CCDC192: variants seen among roughly 807,000 people sequenced by gnomAD.
CCDC192 encodes the protein coiled-coil domain containing 192, also known as coiled-coil domain-containing protein 192.
intron 2 of CCDC192, among the ~76,000 whole-genome samples, chr5:127,727,622 G>A (rs889152157): frequency 6.6e-6 from 1 of 152,178 alleles, no homozygotes; most frequent in Non-Finnish European, 1.5e-5. Flanking sequence ...CAAAAAGCCA[G>A]AGTGCCTCTT....
At chr5:127,788,902 T>C (rs1028092183) in intron 3 of CCDC192, among the ~76,000 whole-genome samples, 5 of 152,150 alleles carry the variant, frequency 3.3e-5, no homozygotes, top group African/African-American at 9.7e-5. Context: ...ATAATTAAGG[T>C]CGTGAGGTTG....
chr5:127,753,642 C>T (rs553957294), intron 2 of CCDC192, among the ~76,000 whole-genome samples: 6 of 150,002 alleles, frequency 4.0e-5, no homozygotes, highest in East Asian at 2.0e-4. Context: ...GAGCCAAGAT[C>T]GTGCCCTTGC....
At chr5:127,897,586 A>G (rs897135100) in intron 6 of CCDC192, among the ~76,000 whole-genome samples, 4 of 152,234 alleles carry the variant, frequency 2.6e-5, no homozygotes, top group Non-Finnish European at 4.4e-5. Context: ...ATATTATTCA[A>G]TGGAAAAGAA....
chr5:127,941,116 C>T, intron 6 of CCDC192, 66 bp from the exon 7 acceptor site: 1 of 398,666 alleles, frequency 2.5e-6, no homozygotes, highest in Non-Finnish European at 4.4e-6. Context: ...TTTCATTTTT[C>T]CTTGCTTTGA....
chr5:127,849,687 A>G (rs1750714652), intron 5 of CCDC192, among the ~76,000 whole-genome samples: 1 of 152,256 alleles, frequency 6.6e-6, no homozygotes. Flanking sequence ...TGTAAGGCTC[A>G]TAAAGAGGTG....
intron 6 of CCDC192, among the ~76,000 whole-genome samples, chr5:127,892,488 T>G (rs1391580701): frequency 1.3e-5 from 2 of 152,210 alleles, no homozygotes; most frequent in African/African-American, 4.8e-5. Context: ...GGATTCAAAA[T>G]GCCTTTAAAA....
chr5:127,848,660 A>G (rs1306233159), intron 5 of CCDC192, among the ~76,000 whole-genome samples: 1 of 152,228 alleles, frequency 6.6e-6, no homozygotes, highest in Admixed American at 6.5e-5. Context: ...AAAGGCTAAT[A>G]AGAGTCTCTA....
At chr5:127,882,286 T>C (rs2127145355) in intron 6 of CCDC192, among the ~76,000 whole-genome samples, 1 of 152,290 alleles carries the variant, frequency 6.6e-6, no homozygotes, top group African/African-American at 2.4e-5. Context: ...TATCCTACAT[T>C]CTTGAGAAAG....
At chr5:127,906,977 C>T (rs1185248216) in intron 6 of CCDC192, among the ~76,000 whole-genome samples, 1 of 152,098 alleles carries the variant, frequency 6.6e-6, no homozygotes, top group African/African-American at 2.4e-5. Context: ...TTCAAATTTT[C>T]TCTACATGTT....
intron 3 of CCDC192, chr5:127,786,589 T>G: frequency 1.4e-6 from 1 of 724,108 alleles, no homozygotes; most frequent in South Asian, 1.4e-5. Context: ...ACATATTCCT[T>G]TCGTCCTTTG....
At chr5:127,938,157 G>A (rs531032886) in intron 6 of CCDC192, among the ~76,000 whole-genome samples, 70 of 152,248 alleles carry the variant, frequency 4.6e-4, no homozygotes, top group African/African-American at 1.6e-3. Flanking sequence ...AGTTTAAGGA[G>A]TAGCTTAGGG....
At chr5:127,818,406 A>G (rs1749128724) in intron 5 of CCDC192, among the ~76,000 whole-genome samples, 2 of 152,048 alleles carry the variant, frequency 1.3e-5, no homozygotes, top group Non-Finnish European at 2.9e-5. Flanking sequence ...CCTGGGTTCT[A>G]CTCCTAGACA....
intron 5 of CCDC192, among the ~76,000 whole-genome samples, chr5:127,852,050 T>C (rs576461063): frequency 6.6e-6 from 1 of 152,196 alleles, no homozygotes; most frequent in African/African-American, 2.4e-5. Flanking sequence ...GAACACTAGT[T>C]TTATGGTCCC....
At chr5:127,848,882 A>T (rs576458556) in intron 5 of CCDC192, among the ~76,000 whole-genome samples, 124 of 152,332 alleles carry the variant, frequency 8.1e-4, no homozygotes, top group African/African-American at 2.9e-3. Flanking sequence ...ACTATATAAA[A>T]GGAGCAGTTT....
intron 6 of CCDC192, among the ~76,000 whole-genome samples, chr5:127,879,241 A>C (rs2127140962): frequency 6.6e-6 from 1 of 151,772 alleles, no homozygotes; most frequent in African/African-American, 2.4e-5. Flanking sequence ...AAACAGAGAT[A>C]TAGATCAATG....
intron 6 of CCDC192, among the ~76,000 whole-genome samples, chr5:127,880,896 CT>C (rs1752326857): frequency 6.6e-6 from 1 of 152,168 alleles, no homozygotes; most frequent in Non-Finnish European, 1.5e-5. Context: ...AGGAGAATCA[CT>C]TGAACCTAGG....
intron 6 of CCDC192, among the ~76,000 whole-genome samples, chr5:127,910,291 T>C (rs551887637): frequency 6.6e-6 from 1 of 152,354 alleles, no homozygotes; most frequent in African/African-American, 2.4e-5. Context: ...TCGAAGCTTT[T>C]GGCATCTTCA....
intron 5 of CCDC192, among the ~76,000 whole-genome samples, chr5:127,859,886 C>G (rs142871115): frequency 3.3e-5 from 5 of 152,188 alleles, no homozygotes; most frequent in African/African-American, 1.2e-4. Context: ...TACATTCTTA[C>G]TTGATTCTTT....
At chr5:127,870,792 C>T (rs1208261965) in intron 5 of CCDC192, among the ~76,000 whole-genome samples, 1 of 152,204 alleles carries the variant, frequency 6.6e-6, no homozygotes, top group Non-Finnish European at 1.5e-5. Flanking sequence ...AAATACGAAA[C>T]ATGTAAAATT....
Sources: allele counts gnomAD v4.1 joint callset (sites outside exome capture counted in the v4.1 genomes callset), GRCh38; gene constraint gnomAD v4.1.1; transcripts MANE v1.5; gene names NCBI Gene and HGNC (gene_info 2026-07-23, HGNC 2026-07-21).